Variants in GRK3 observed in about 807,000 individuals in gnomAD.
GRK3 encodes the protein adrenergic, beta, receptor kinase 2.
A neutral mutation model predicts 95.7 loss-of-function variants in GRK3; 54 were observed. The ratio of observed to expected loss-of-function variants is 0.56; its 90% CI spans 0.45 to 0.71. The LOEUF (loss-of-function observed/expected upper bound fraction) is 0.71. GRK3 is among the 30% of genes least tolerant of loss of function. The pLI is 0.00. For synonymous variants in GRK3, 281 were observed against 290.8 expected, an observed-to-expected ratio of 0.97 and a Z score of 0.34; for missense variants, 649 against 851.2, an observed-to-expected ratio of 0.76 and a Z score of 2.96.
intron 15 of GRK3, among the ~76,000 whole-genome samples, chr22:25,706,294 C>T (rs772313152): frequency 1.6e-4 from 24 of 152,032 alleles, no homozygotes; most frequent in Non-Finnish European, 2.9e-4. Flanking sequence ...AGAAGTACGG[C>T]GGGTATGGGT....
Position 25,597,724 on chromosome 22 carries a change from G to A in GRK3, c.114-6653G>A, listed in dbSNP as rs565145806. On this transcript the variant is annotated intron_variant, in intron 1 of 20. Coordinates refer to ENST00000324198, the MANE Select transcript of GRK3 (RefSeq NM_005160.4). ...AGAAGCTAGATAAAGAAAGGCAGCC[G>A]GATTAAAACAAAATGTATGTACAGA... Among the ~76,000 whole-genome samples, 16 of 152,120 alleles carry A rather than the reference G, an allele frequency of 1.1e-4. 1 individual carries two copies. The South Asian group carries it at 1.5e-3, about 14-fold the overall frequency.
intron 2 of GRK3, among the ~76,000 whole-genome samples, chr22:25,615,182 G>T (rs2084528834): frequency 6.6e-6 from 1 of 152,110 alleles, no homozygotes; most frequent in African/African-American, 2.4e-5. Flanking sequence ...CAACTTTGTA[G>T]CTCTCTCTCT....
At chr22:25,693,774 CTTTTTTTTT>C (rs542086916) in intron 12 of GRK3, among the ~76,000 whole-genome samples, 5 of 112,840 alleles carry the variant, frequency 4.4e-5, no homozygotes, top group East Asian at 2.6e-4. Context: ...GTTAAAAATT[CTTTTTTTTT>C]TTTTTTTTTT....
At chr22:25,685,906 C>T (rs718163) in intron 10 of GRK3, among the ~76,000 whole-genome samples, 76,184 of 148,950 alleles carry the variant, frequency 0.51, 22,050 homozygotes, top group African/African-American at 0.79. Context: ...GAAGTTTTAT[C>T]ATGTTCTGAG....
At chr22:25,678,315 C>G (rs1040341125) in intron 8 of GRK3, among the ~76,000 whole-genome samples, 1 of 152,086 alleles carries the variant, frequency 6.6e-6, no homozygotes, top group African/African-American at 2.4e-5. Context: ...ATTAGCCGGT[C>G]ATGGTGGCGG....
intron 1 of GRK3, among the ~76,000 whole-genome samples, chr22:25,588,076 G>A (rs1211516113): frequency 6.6e-6 from 1 of 152,160 alleles, no homozygotes; most frequent in African/African-American, 2.4e-5. Flanking sequence ...TGGGATTACA[G>A]GTGTGAGCCA....
At chr22:25,663,371 C>T (rs2084921808) in intron 4 of GRK3, among the ~76,000 whole-genome samples, 1 of 152,122 alleles carries the variant, frequency 6.6e-6, no homozygotes, top group African/African-American at 2.4e-5. Flanking sequence ...ATCTTGAACC[C>T]TTCTGGAATT....
intron 13 of GRK3, among the ~76,000 whole-genome samples, chr22:25,700,873 C>T (rs1032440711): frequency 1.3e-5 from 2 of 152,210 alleles, no homozygotes; most frequent in African/African-American, 2.4e-5. Flanking sequence ...CGTGACCCAC[C>T]GCGCCCGGCC....
At chr22:25,585,628 A>G (rs544011784) in intron 1 of GRK3, among the ~76,000 whole-genome samples, 1 of 152,250 alleles carries the variant, frequency 6.6e-6, no homozygotes, top group Admixed American at 6.5e-5. Flanking sequence ...TATTAATCAT[A>G]AAGTTGTTGC....
chr22:25,581,642 G>C (rs1262463341), intron 1 of GRK3, among the ~76,000 whole-genome samples: 4 of 151,072 alleles, frequency 2.6e-5, no homozygotes, highest in Non-Finnish European at 5.9e-5. Flanking sequence ...GCTATAGAAG[G>C]ATGAGAAAAA....
intron 6 of GRK3, among the ~76,000 whole-genome samples, chr22:25,669,634 G>C (rs1296876098): frequency 6.6e-6 from 1 of 152,154 alleles, no homozygotes; most frequent in Non-Finnish European, 1.5e-5. Flanking sequence ...GTCCCACTCA[G>C]TAACCAGGCA....
In GRK3 at chr22:25,728,661, G is replaced by A. The variant is rs1381931558; in HGVS notation, c.*6211G>A. 1 of 152,176 alleles carries A rather than the reference G, an allele frequency of 6.6e-6. No homozygotes were observed. The highest frequency in any genetic ancestry group is 2.4e-5 in the African/African-American group (1 of 41,436). The allele number at this position is 152,176 out of a possible 1,614,324, so 9.4% of individuals were successfully genotyped here. ...CACCTTCACTCTTTGAAAAAGGCAA[G>A]CTGTGCTTAGAAACACTGCTTTTAA... On this transcript the variant is annotated 3_prime_UTR_variant, in exon 21 of 21. Coordinates refer to ENST00000324198, the MANE Select transcript of GRK3 (RefSeq NM_005160.4).
intron 3 of GRK3, among the ~76,000 whole-genome samples, chr22:25,652,192 T>C (rs2084836497): frequency 6.6e-6 from 1 of 152,114 alleles, no homozygotes; most frequent in Non-Finnish European, 1.5e-5. Flanking sequence ...CTCAGCACTT[T>C]GGGAGGCCAA....
chr22:25,709,543 A>G (rs948480938), intron 15 of GRK3, among the ~76,000 whole-genome samples: 2 of 152,140 alleles, frequency 1.3e-5, no homozygotes, highest in Non-Finnish European at 2.9e-5. Flanking sequence ...TTTAATGTGT[A>G]GATATCCAAT....
At chr22:25,601,087 AG>A (rs1601464614) in intron 1 of GRK3, among the ~76,000 whole-genome samples, 1 of 152,222 alleles carries the variant, frequency 6.6e-6, no homozygotes, top group East Asian at 1.9e-4. Context: ...CTCCTCTCTC[AG>A]TAATTTATAG....
chr22:25,571,031 A>G (rs757634734), intron 1 of GRK3, among the ~76,000 whole-genome samples: 1 of 152,214 alleles, frequency 6.6e-6, no homozygotes, highest in Non-Finnish European at 1.5e-5. Context: ...TGTGATAGGT[A>G]GTTGGTAAAG....
chr22:25,708,333 G>A (rs544606090), intron 15 of GRK3, among the ~76,000 whole-genome samples: 1 of 152,280 alleles, frequency 6.6e-6, no homozygotes, highest in African/African-American at 2.4e-5. Flanking sequence ...GAAGCCTGAG[G>A]GAAGACAGGC....
chr22:25,622,996 C>T (rs1601481902), intron 2 of GRK3, among the ~76,000 whole-genome samples: 2 of 152,170 alleles, frequency 1.3e-5, no homozygotes, highest in Non-Finnish European at 2.9e-5. Flanking sequence ...GGCTGGAGGG[C>T]GGTGGCGCGA....
chr22:25,569,660 G>C (rs919804311), intron 1 of GRK3, among the ~76,000 whole-genome samples: 1 of 152,228 alleles, frequency 6.6e-6, no homozygotes, highest in East Asian at 1.9e-4. Context: ...GGCCAGCAAA[G>C]CAGTGAAATG....
Sources: allele counts gnomAD v4.1 joint callset (sites outside exome capture counted in the v4.1 genomes callset), GRCh38; gene constraint gnomAD v4.1.1; transcripts MANE v1.5; gene names NCBI Gene and HGNC (gene_info 2026-07-23, HGNC 2026-07-21).